Variants in TAF1 observed in about 807,000 individuals in gnomAD.
TAF1 encodes the protein transcription initiation factor TFIID subunit 1.
In TAF1, 2 loss-of-function variants were observed where a neutral mutation model predicts 138.5. That is an observed-to-expected ratio of 0.01 (90% CI 0.01 to 0.05). The LOEUF (loss-of-function observed/expected upper bound fraction) is 0.05, where lower values mean the gene tolerates loss of function less well. TAF1 is among the 10% of genes least tolerant of loss of function. TAF1 has a pLI of 1.00. For synonymous variants in TAF1, 437 were observed against 503.2 expected (o/e 0.87, Z 1.76); for missense variants, 709 against 1,478.0 (o/e 0.48, Z 8.53).
intron 13 of TAF1, among the ~76,000 whole-genome samples, chrX:71,486,814 C>T (rs1478750536): frequency 9.0e-6 from 1 of 110,723 alleles, no homozygotes; most frequent in African/African-American, 3.3e-5. Flanking sequence ...ATTTCTGTAA[C>T]GTTGGTAGTA....
chrX:71,387,509 T>G, intron 15 of TAF1, 48 bp downstream of exon 15: 1 of 1,190,530 alleles, frequency 8.4e-7, no homozygotes, highest in South Asian at 1.8e-5. Flanking sequence ...ACAGAAAGGG[T>G]ATGTTGGGGC....
At chrX:71,475,584 CA>C (rs78014278) in intron 13 of TAF1, among the ~76,000 whole-genome samples, 163 of 41,412 alleles carry the variant, frequency 3.9e-3, no homozygotes, top group Middle Eastern at 0.02. Flanking sequence ...GACTCCGTTT[CA>C]AAAAAAAAAA....
intron 14 of TAF1, 129 bp from the exon 15 acceptor site, chrX:71,387,132 T>C (rs1602499549): frequency 3.2e-6 from 2 of 630,350 alleles, no homozygotes; most frequent in Non-Finnish European, 4.8e-6. Context: ...AATTTATTTG[T>C]ATTACTGGAT....
chrX:71,408,636 T>G (rs2035599614), intron 28 of TAF1, among the ~76,000 whole-genome samples: 2 of 112,014 alleles, frequency 1.8e-5, no homozygotes, highest in Non-Finnish European at 1.9e-5. Context: ...TCCCACTGTT[T>G]AATTCTTATA....
rs771863024 is a variant in TAF1, at chrX:71,384,185, C to T, written c.2121+50C>T. 7.7e-6 allele frequency: 9 copies of T among 1,164,624 alleles called. No homozygotes were observed. In the South Asian group the frequency reaches 1.6e-4, roughly 20 times the overall value. On this transcript the variant is annotated intron_variant, in intron 13 of 37. Coordinates refer to ENST00000423759, the MANE Select transcript of TAF1 (RefSeq NM_004606.5). Reference sequence around the variant, plus strand: ...TTTCCCATACATAATTCTGCTTATGCTTCCATAAACTTTTATGTACAAACT... The same window carrying T: ...TTTCCCATACATAATTCTGCTTATGTTTCCATAAACTTTTATGTACAAACT...
intron 14 of TAF1, among the ~76,000 whole-genome samples, chrX:71,528,911 C>T (rs1221685459): frequency 9.0e-6 from 1 of 111,668 alleles, no homozygotes; most frequent in Non-Finnish European, 1.9e-5. Flanking sequence ...GCTGATTGGT[C>T]CATTTTACAG....
intron 8 of TAF1, 34 bp from the exon 9 acceptor site, chrX:71,381,709 C>G: frequency 8.4e-7 from 1 of 1,190,962 alleles, no homozygotes; most frequent in Non-Finnish European, 1.1e-6. Context: ...TAAATGTTTT[C>G]TCTGTTACTA....
At chrX:71,401,866 G>T (rs2035189786) in intron 25 of TAF1, 127 bp downstream of exon 25, 1 of 629,298 alleles carries the variant, frequency 1.6e-6, no homozygotes, top group Admixed American at 3.3e-5. Flanking sequence ...TTTTGATGGC[G>T]TTTCCTCAGT....
At position 71,367,624 on chromosome X, in the gene TAF1, G is replaced by A; in HGVS notation, c.235+11G>A. Reference sequence around the variant, plus strand: ...TGGTAAATGATGAAGGTGAAGTCTGGGTTGTGGGGAGTAGGCGGGGGAGGA... The same window carrying A: ...TGGTAAATGATGAAGGTGAAGTCTGAGTTGTGGGGAGTAGGCGGGGGAGGA... On this transcript the variant is annotated intron_variant, in intron 2 of 37. Transcript: ENST00000423759. 8.3e-7 allele frequency: 1 copy of A among 1,208,989 alleles called. No homozygotes were observed. The highest frequency in any genetic ancestry group is 1.8e-5 in the South Asian group (1 of 56,869).
chrX:71,368,115 T>C lies in TAF1; in HGVS notation c.297T>C (p.Asp99=), dbSNP rs144106353. The C allele has an allele frequency of 4.7e-4, 573 of 1,210,631 alleles. No individual in the cohort carries two copies. Among genetic ancestry groups the C allele is most frequent in the Non-Finnish European group, 6.0e-4 (541 of 895,401 alleles). ...DYSDINEVAE[D]ESRRYQQTMG... ...CAGACATCAATGAGGTGGCAGAAGA[T>C]GAAAGCCGAAGATACCAGCAGACGA... Residue 99 remains aspartate (D), a synonymous_variant, in exon 3 of 38, where the codon GAT becomes GAC. Coordinates refer to ENST00000423759, the MANE Select transcript of TAF1 (RefSeq NM_004606.5).
Position 71,490,513 on chromosome X carries a change from G to A in TAF1, c.1366+29710G>A, listed in dbSNP as rs1410742583. Among the ~76,000 whole-genome samples, 5 of 109,424 alleles carry A rather than the reference G, an allele frequency of 4.6e-5. No individual in the cohort carries two copies. The Admixed American group carries it at 4.9e-4, about 11-fold the overall frequency. On this transcript the variant is annotated intron_variant and NMD_transcript_variant, in intron 13 of 14. Coordinates refer to the TAF1 transcript ENST00000373775. ...GCGATCTCGGCTCACTGCAAGCTCC[G>A]CCTCCCGGGTTCATGCCATTCTCCC...
At chrX:71,502,284 G>A (rs1179547521) in intron 13 of TAF1, among the ~76,000 whole-genome samples, 1 of 111,170 alleles carries the variant, frequency 9.0e-6, no homozygotes, top group Non-Finnish European at 1.9e-5. Flanking sequence ...CCTTTAGCTA[G>A]ACACAGAGCG....
chrX:71,495,503 A>G (rs2039380071), intron 13 of TAF1, among the ~76,000 whole-genome samples: 1 of 111,773 alleles, frequency 8.9e-6, no homozygotes, highest in Middle Eastern at 4.7e-3. Context: ...GCCAGGCAGC[A>G]TCTCATACTA....
intron 32 of TAF1, among the ~76,000 whole-genome samples, chrX:71,429,680 A>G (rs910447722): frequency 3.6e-5 from 4 of 111,509 alleles, no homozygotes; most frequent in African/African-American, 1.3e-4. Context: ...GAGGAGGAGA[A>G]TAAGACAGAG....
intron 35 of TAF1, 39 bp from the exon 36 acceptor site, chrX:71,459,513 C>A: frequency 8.3e-7 from 1 of 1,203,016 alleles, no homozygotes; most frequent in South Asian, 1.8e-5. Context: ...CTTATGTGGT[C>A]AGTTGATAGG....
At chrX:71,423,264 T>C (rs2036442308) in intron 30 of TAF1, 25 bp downstream of exon 30, 2 of 1,206,610 alleles carry the variant, frequency 1.7e-6, no homozygotes, top group Non-Finnish European at 2.2e-6. Flanking sequence ...TGCCAAATAC[T>C]GTGAGGATCG....
chrX:71,379,285 T>C (rs1158183351), intron 8 of TAF1, among the ~76,000 whole-genome samples: 1 of 108,019 alleles, frequency 9.3e-6, no homozygotes, highest in Non-Finnish European at 1.9e-5. Context: ...CTGACTAATT[T>C]TTGTATTTTT....
At chrX:71,387,004 C>A in intron 14 of TAF1, 1 of 349,501 alleles carries the variant, frequency 2.9e-6, no homozygotes, top group Non-Finnish European at 5.0e-6. Context: ...CATGTTAAAT[C>A]ATAGAGGTAA....
At chrX:71,481,563 G>A (rs1325925432) in intron 13 of TAF1, among the ~76,000 whole-genome samples, 5 of 110,676 alleles carry the variant, frequency 4.5e-5, no homozygotes, top group Admixed American at 9.6e-5. Flanking sequence ...TTTTGTTTTC[G>A]TTTTTGTTTT....
Sources: gnomAD v4.1 joint callset for allele counts (sites outside exome capture counted in the v4.1 genomes callset) on GRCh38, gnomAD v4.1.1 for gene constraint, MANE v1.5 for transcripts, NCBI Gene and HGNC (gene_info 2026-07-23, HGNC 2026-07-21) for gene names.